The following PRDM4 variants were observed in gnomAD, a reference collection of about 807,000 sequenced individuals.
PRDM4 encodes the protein PR/SET domain 4.
In PRDM4, 38 loss-of-function variants were observed where a neutral mutation model predicts 62.3. The ratio of observed to expected loss-of-function variants is 0.61; its 90% confidence interval spans 0.47 to 0.80. The LOEUF (loss-of-function observed/expected upper bound fraction) is 0.80, where lower values mean the gene tolerates loss of function less well. PRDM4 is among the 30% of genes least tolerant of loss of function. The pLI is 0.00. For synonymous variants in PRDM4, 339 were observed against 348.2 expected (o/e 0.97, Z 0.30); for missense variants, 858 against 997.1 (o/e 0.86, Z 1.88).
Position 107,751,876 on chromosome 12 carries a change from T to A in PRDM4, c.665A>T (p.His222Leu). Residue 222 changes from histidine to leucine, a missense_variant, in exon 5 of 12, where the codon CAT becomes CTT. By Grantham distance (99) the His-to-Leu change is moderately conservative. Around this residue, in one of 3 missense-constraint regions of PRDM4, gnomAD observed 499 missense variants for 546.7 expected, o/e 0.91. Coordinates refer to ENST00000228437, the MANE Select transcript of PRDM4 (RefSeq NM_012406.4). ...TCTGGAGCCATTTGGGATTTGGGAA[T>A]GCTCGCCTGCAACACCGTCCATCGT... ...ELTMDGVAGE[H>L]SQIPNGSRSH... is the part of the protein sequence containing the mutation. 1 of 1,614,240 alleles carries A rather than the reference T, an allele frequency of 6.2e-7. No homozygotes were observed. Among genetic ancestry groups the A allele is most frequent in the Non-Finnish European group, 8.5e-7 (1 of 1,180,052 alleles).
intron 8 of PRDM4, 86 bp downstream of exon 8, chr12:107,743,108 ATTC>A: frequency 9.0e-7 from 1 of 1,111,492 alleles, no homozygotes; most frequent in South Asian, 1.4e-5. Context: ...TGTAATTTGG[ATTC>A]TTAACTCTTT....
rs368568429 is a variant in PRDM4 at position 107,751,941 on chromosome 12, A to T, written c.600T>A (p.Val200=). The T allele has an allele frequency of 2.5e-6, 4 of 1,614,110 alleles. No individual in the cohort carries two copies. The highest frequency in any genetic ancestry group is 3.4e-6 in the Non-Finnish European group (4 of 1,180,048). ...TAITMENVSR[V]TSPISTDGMA... Reference sequence around the variant, plus strand: ...TTCCATCTGTCGAAATTGGGCTGGTAACCCTAGAAACGTTCTCCATAGTGA... The same window carrying T: ...TTCCATCTGTCGAAATTGGGCTGGTTACCCTAGAAACGTTCTCCATAGTGA... The change falls in exon 5 of 12, where the codon GTT becomes GTA. Residue 200 remains valine (V), a synonymous_variant. Transcript: ENST00000228437.
rs1189446803 is a variant in PRDM4 at position 107,733,017 on chromosome 12, T to C, written c.*1193A>G. The C allele has an allele frequency of 6.6e-6, 1 of 152,650 alleles. No homozygotes were observed. Among genetic ancestry groups the C allele is most frequent in the Non-Finnish European group, 1.5e-5 (1 of 68,054 alleles). The allele number at this position is 152,650 out of a possible 1,614,324, so 9.5% of individuals were successfully genotyped here. A position where few individuals can be genotyped will look rare whatever the true frequency, so the allele number is the denominator to read the frequency against. On this transcript the variant is annotated 3_prime_UTR_variant, in exon 12 of 12. Transcript: ENST00000228437. ...AGGTTGTGCCTTGAGCAGGAGAGCA[T>C]GTTCCATCAATCCTGTCAACTTAAG...
chr12:107,734,140 A>T lies in PRDM4; in HGVS notation c.*70T>A. 7.0e-7 allele frequency: 1 copy of T among 1,428,168 alleles called. No homozygotes were observed. Among genetic ancestry groups the T allele is most frequent in the Non-Finnish European group, 9.5e-7 (1 of 1,053,100 alleles). 88.5% of individuals were successfully genotyped at this position (1,428,168 alleles called of 1,614,324 possible). The stretch of plus-strand genomic sequence containing the variant: ...GGAACCATTTTATATAAAAACCATT[A>T]TAGTAGATAACTGGTTATGTGTATT... On this transcript the variant is annotated 3_prime_UTR_variant, in exon 12 of 12. Transcript: ENST00000228437.
In PRDM4 at chr12:107,753,963, G is replaced by C. The variant is rs755451298; in HGVS notation, c.292C>G (p.Pro98Ala). The stretch of plus-strand genomic sequence containing the variant: ...CTGAAATAACTGCTCTCCAGGTGAG[G>C]GTAAGGTGGTGGAGGTAGGGTGTAG... The part of the protein sequence containing the change: ...RNYTLPPPPY[P>A]HLESSYFRTI... Residue 98 changes from proline (P) to alanine (A), a missense_variant, in exon 4 of 12, where the codon CCT (proline) becomes GCT (alanine). Transcript: ENST00000228437. The C allele has an allele frequency of 1.2e-6, 2 of 1,614,052 alleles. No individual in the cohort carries two copies. Among genetic ancestry groups the C allele is most frequent in the Non-Finnish European group, 1.7e-6 (2 of 1,180,006 alleles).
In PRDM4 at chr12:107,734,237, CGCTGAATACACA is replaced by C. The variant is rs1566090039; in HGVS notation, c.2367_2378del (p.Val790_Ala793del). Reference sequence around the variant, plus strand: ...ATTTATGTGCAGAAAGAGACTCATCCGCTGAATACACAGCACTGTTAATCCTACAGTCTTCTG... The same window carrying C: ...ATTTATGTGCAGAAAGAGACTCATCCGCACTGTTAATCCTACAGTCTTCTG... On this transcript the variant is annotated inframe_deletion, in exon 12 of 12. Transcript: ENST00000228437. 6.2e-7 allele frequency: 1 copy of C among 1,605,640 alleles called. No individual in the cohort carries two copies. Among genetic ancestry groups the C allele is most frequent in the Non-Finnish European group, 8.5e-7 (1 of 1,176,358 alleles).
chr12:107,739,399 C>A lies in PRDM4; in HGVS notation c.2077G>T (p.Val693Leu). ...GTAACTTACTGAGTGTGGATGAGCA[C>A]GTGCTGCTTGAGGTCCTGCCTCCGC... ...FMRRQDLKQH[V>L]LIHTQERQIK... is the part of the protein sequence containing the mutation. Residue 693 changes from valine (V) to leucine (L), a missense_variant, in exon 11 of 12, where the codon GTG becomes TTG. Physicochemically the swap from Val to Leu is conservative, Grantham distance 32 (BLOSUM62 1). Coordinates refer to ENST00000228437, the MANE Select transcript of PRDM4 (RefSeq NM_012406.4). The A allele has an allele frequency of 3.1e-6, 5 of 1,613,396 alleles. No homozygotes were observed. The highest frequency in any genetic ancestry group is 3.4e-6 in the Non-Finnish European group (4 of 1,179,666).
intron 11 of PRDM4, among the ~76,000 whole-genome samples, chr12:107,734,760 A>G (rs1566090378): frequency 6.6e-6 from 1 of 152,156 alleles, no homozygotes; most frequent in Admixed American, 6.5e-5. Context: ...TTCTATATGT[A>G]TTTCTTTTGT....
At position 107,746,433 on chromosome 12, in the gene PRDM4, G is replaced by A. The variant is rs367977778; in HGVS notation, c.1127-9C>T. On this transcript the variant is annotated splice_polypyrimidine_tract_variant and intron_variant, in intron 5 of 11. Transcript: ENST00000228437. ...GTCACACAGAGTACACCCTGTAGAT[G>A]GCAAATTTGAGCAATACAAATGGGT... 1 of 1,564,370 alleles carries A rather than the reference G, an allele frequency of 6.4e-7. No homozygotes were observed. The highest frequency in any genetic ancestry group is 8.6e-7 in the Non-Finnish European group (1 of 1,157,812).
intron 4 of PRDM4, among the ~76,000 whole-genome samples, chr12:107,753,594 A>C (rs1890969205): frequency 6.6e-6 from 1 of 152,182 alleles, no homozygotes; most frequent in South Asian, 2.1e-4. Context: ...TGAACTTAAA[A>C]AACATGACAC....
At chr12:107,742,762 C>T (rs1372296832) in intron 8 of PRDM4, among the ~76,000 whole-genome samples, 1 of 123,684 alleles carries the variant, frequency 8.1e-6, no homozygotes, top group Non-Finnish European at 1.8e-5. Context: ...TTGGTAAGTG[C>T]CTTTTTTTTT....
chr12:107,748,568 A>T (rs1593170481), intron 5 of PRDM4, among the ~76,000 whole-genome samples: 2 of 152,388 alleles, frequency 1.3e-5, no homozygotes, highest in East Asian at 1.9e-4. Context: ...AAGAGAAAGA[A>T]ACTAGATCCA....
At chr12:107,747,161 AT>A in intron 5 of PRDM4, among the ~76,000 whole-genome samples, 1 of 152,210 alleles carries the variant, frequency 6.6e-6, no homozygotes, top group Non-Finnish European at 1.5e-5. Flanking sequence ...AAATAGCACC[AT>A]ATTACTTCAA....
chr12:107,748,722 G>A (rs1179689030), intron 5 of PRDM4, among the ~76,000 whole-genome samples: 10 of 152,272 alleles, frequency 6.6e-5, no homozygotes, highest in Middle Eastern at 3.4e-3. Flanking sequence ...TTTCTTTACC[G>A]GGTGACTAAA....
chr12:107,734,743 A>T (rs557253412), intron 11 of PRDM4, among the ~76,000 whole-genome samples: 3 of 152,302 alleles, frequency 2.0e-5, no homozygotes, highest in Admixed American at 2.0e-4. Context: ...CTCAAATTCT[A>T]TGTAAATTCT....
At chr12:107,755,444 TA>T (rs1050923594) in intron 3 of PRDM4, among the ~76,000 whole-genome samples, 1 of 152,194 alleles carries the variant, frequency 6.6e-6, no homozygotes, top group African/African-American at 2.4e-5. Flanking sequence ...GAGTGTCCAC[TA>T]AAGGGAATGC....
At position 107,743,284 on chromosome 12, in the gene PRDM4, T is replaced by C; in HGVS notation, c.1396-2A>G. ...TTCTAGGACACCATTGTGGTATATC[T>C]GCCAACAGAAAGCAAGCACACATGT... On this transcript the variant is annotated splice_acceptor_variant, in intron 7 of 11. Coordinates refer to ENST00000228437, the MANE Select transcript of PRDM4 (RefSeq NM_012406.4). LOFTEE classifies it high-confidence loss of function. The C allele has an allele frequency of 6.2e-7, 1 of 1,604,766 alleles. No homozygotes were observed. The highest frequency in any genetic ancestry group is 1.1e-5 in the South Asian group (1 of 90,908).
rs1448800030 is a variant in PRDM4 at position 107,756,834 on chromosome 12, G to C, written c.143C>G (p.Pro48Arg). 3 of 1,613,932 alleles carry C rather than the reference G, an allele frequency of 1.9e-6. No individual in the cohort carries two copies. Among genetic ancestry groups the C allele is most frequent in the Admixed American group, 3.3e-5 (2 of 59,990 alleles). The change falls in exon 3 of 12, where the codon CCA (proline) becomes CGA (arginine). Residue 48 changes from proline (P) to arginine (R), a missense_variant and splice_region_variant. Transcript: ENST00000228437. ...AGTAGGTCTCCCTTACCACTCACCT[G>C]GGGCAGGGATGGCACTGTGAGTGGG... ...ASPTHSAIPA[P>R]GLPVAIPNLG...
intron 10 of PRDM4, among the ~76,000 whole-genome samples, chr12:107,740,442 G>A (rs1347260495): frequency 6.6e-6 from 1 of 152,082 alleles, no homozygotes; most frequent in Non-Finnish European, 1.5e-5. Context: ...AACCAAGATG[G>A]TGTCACTGTA....
Sources: gnomAD v4.1 joint callset for allele counts (sites outside exome capture counted in the v4.1 genomes callset) on GRCh38, gnomAD v4.1.1 for gene constraint, gnomAD v4.1.1 regional missense constraint, MANE v1.5 for transcripts, NCBI Gene and HGNC (gene_info 2026-07-23, HGNC 2026-07-21) for gene names.